The following GRIK1 variants were observed in gnomAD, a reference collection of about 807,000 sequenced individuals.
GRIK1 encodes the protein glutamate receptor ionotropic, kainate 1.
GRIK1 carries 69 observed loss-of-function variants against 105.7 expected under a neutral mutation model. That is an observed-to-expected ratio of 0.65 (90% CI 0.54 to 0.80). The LOEUF (loss-of-function observed/expected upper bound fraction) is 0.80. Ranked by LOEUF, GRIK1 falls within the 30% of genes least tolerant of loss-of-function variation. The probability of loss-of-function intolerance (pLI) is 0.00; values close to 1 mark genes in which losing one functional copy is unlikely to be tolerated. For synonymous variants in GRIK1, 438 were observed against 431.3 expected (o/e 1.02, Z -0.19); for missense variants, 1,109 against 1,167.3 (o/e 0.95, Z 0.73).
At chr21:29,810,673 G>C (rs545595751) in intron 1 of GRIK1, among the ~76,000 whole-genome samples, 2 of 152,156 alleles carry the variant, frequency 1.3e-5, no homozygotes, top group East Asian at 3.9e-4. Flanking sequence ...CAGGGAGCTG[G>C]TAATCTCAGG....
chr21:29,611,378 T>A (rs2061727122), intron 7 of GRIK1, among the ~76,000 whole-genome samples: 1 of 152,206 alleles, frequency 6.6e-6, no homozygotes, highest in Non-Finnish European at 1.5e-5. Flanking sequence ...TTCCATTAGC[T>A]TCTCCTGTTG....
intron 4 of GRIK1, among the ~76,000 whole-genome samples, chr21:29,661,549 A>G (rs1230556059): frequency 2.0e-5 from 3 of 152,222 alleles, no homozygotes; most frequent in African/African-American, 7.2e-5. Context: ...GTGAGTAAGA[A>G]AAGGCAAGAA....
intron 16 of GRIK1, chr21:29,553,761 G>A (rs2090181693): frequency 8.4e-7 from 1 of 1,191,400 alleles, no homozygotes; most frequent in Non-Finnish European, 1.2e-6. Context: ...TCAGAAGCAA[G>A]AATGAATGTT....
chr21:29,855,529 C>T (rs750863506), intron 1 of GRIK1, among the ~76,000 whole-genome samples: 3 of 152,144 alleles, frequency 2.0e-5, no homozygotes, highest in Non-Finnish European at 2.9e-5. Context: ...CAGTATATTG[C>T]CAGTGAAGTA....
intron 1 of GRIK1, among the ~76,000 whole-genome samples, chr21:29,830,244 G>T (rs980971299): frequency 5.3e-5 from 8 of 150,860 alleles, no homozygotes; most frequent in African/African-American, 1.5e-4. Context: ...TCTGTGTGTT[G>T]TTTGTGTTTT....
intron 1 of GRIK1, among the ~76,000 whole-genome samples, chr21:29,802,277 T>C (rs112585881): frequency 0.043 from 6,496 of 152,196 alleles, 200 homozygotes; most frequent in Non-Finnish European, 0.066. Context: ...CCTTCCTTAC[T>C]CTTTATGTCT....
chr21:29,809,933 C>T (rs2066966206), intron 1 of GRIK1, among the ~76,000 whole-genome samples: 1 of 152,144 alleles, frequency 6.6e-6, no homozygotes, highest in Admixed American at 6.6e-5. Context: ...TCAGACCACA[C>T]ACAACATTTA....
chr21:29,611,677 G>C (rs943458466), intron 7 of GRIK1, among the ~76,000 whole-genome samples: 2 of 152,116 alleles, frequency 1.3e-5, no homozygotes, highest in Admixed American at 6.6e-5. Context: ...TTCAGAACCA[G>C]TCTATCTCAT....
At chr21:29,781,663 T>C (rs1027509319) in intron 1 of GRIK1, among the ~76,000 whole-genome samples, 1 of 118,556 alleles carries the variant, frequency 8.4e-6, no homozygotes, top group African/African-American at 2.8e-5. Context: ...GTTTCTTTTT[T>C]TTTTTTTTTT....
intron 1 of GRIK1, among the ~76,000 whole-genome samples, chr21:29,767,518 A>G (rs2145720936): frequency 6.6e-6 from 1 of 152,170 alleles, no homozygotes; most frequent in East Asian, 1.9e-4. Context: ...AAAGATGGAA[A>G]AAAAAAAAGA....
intron 1 of GRIK1, among the ~76,000 whole-genome samples, chr21:29,863,694 A>G (rs549555410): frequency 6.6e-6 from 1 of 152,148 alleles, no homozygotes; most frequent in Non-Finnish European, 1.5e-5. Flanking sequence ...AAGATCAGCC[A>G]TGAGTATTTT....
intron 1 of GRIK1, among the ~76,000 whole-genome samples, chr21:29,756,584 T>C (rs403310): frequency 0.33 from 50,328 of 151,436 alleles, 9,265 homozygotes; most frequent in African/African-American, 0.51. Flanking sequence ...CTCTCCCTGA[T>C]CCCACAAAAG....
intron 1 of GRIK1, among the ~76,000 whole-genome samples, chr21:29,782,539 AT>A (rs1429946789): frequency 6.6e-6 from 1 of 152,102 alleles, no homozygotes; most frequent in Admixed American, 6.5e-5. Flanking sequence ...GAGGTCTAGG[AT>A]TCTCTTTGGT....
At chr21:29,904,535 G>C (rs2070534361) in intron 1 of GRIK1, among the ~76,000 whole-genome samples, 1 of 152,154 alleles carries the variant, frequency 6.6e-6, no homozygotes, top group Non-Finnish European at 1.5e-5. Context: ...GATCAGTGCA[G>C]GGTGTTCTCT....
intron 1 of GRIK1, among the ~76,000 whole-genome samples, chr21:29,722,336 C>A (rs1170906668): frequency 6.6e-6 from 1 of 151,998 alleles, no homozygotes; most frequent in Non-Finnish European, 1.5e-5. Context: ...ATGGGCAGAT[C>A]ACAGGGTCAG....
chr21:29,750,986 A>G (rs1012195561), intron 1 of GRIK1, among the ~76,000 whole-genome samples: 2 of 152,114 alleles, frequency 1.3e-5, no homozygotes, highest in African/African-American at 4.8e-5. Flanking sequence ...GGATAGTGGA[A>G]AATTACAGTC....
intron 7 of GRIK1, among the ~76,000 whole-genome samples, chr21:29,628,504 C>T (rs1315343553): frequency 1.3e-5 from 2 of 152,134 alleles, no homozygotes; most frequent in Non-Finnish European, 2.9e-5. Context: ...ATGTCTATGC[C>T]ATGTACTCTG....
At chr21:29,645,260 GA>G (rs755636816) in intron 6 of GRIK1, among the ~76,000 whole-genome samples, 200 of 152,294 alleles carry the variant, frequency 1.3e-3, no homozygotes, top group Admixed American at 2.4e-3. Flanking sequence ...GGGAAAGAGT[GA>G]GAATTCTAAT....
chr21:29,811,448 C>G (rs924445566), intron 1 of GRIK1, among the ~76,000 whole-genome samples: 1 of 152,126 alleles, frequency 6.6e-6, no homozygotes, highest in Admixed American at 6.5e-5. Flanking sequence ...TTTATTCTCT[C>G]TAACTATAAG....
Sources: gnomAD v4.1 joint callset for allele counts (sites outside exome capture counted in the v4.1 genomes callset) on GRCh38, gnomAD v4.1.1 for gene constraint, MANE v1.5 for transcripts, NCBI Gene and HGNC (gene_info 2026-07-23, HGNC 2026-07-21) for gene names.